Variants in AJAP1 observed in about 807,000 individuals in gnomAD.
AJAP1 encodes the protein adherens junctions associated protein 1, also known as adherens junction-associated protein 1.
In AJAP1, 5 loss-of-function variants were observed where a neutral mutation model predicts 35.0. That is an observed-to-expected ratio of 0.14 (90% CI 0.07 to 0.30). The LOEUF is 0.30. Ranked by LOEUF, AJAP1 falls within the 10% of genes least tolerant of loss-of-function variation. The probability of loss-of-function intolerance (pLI) is 1.00; values close to 1 mark genes in which losing one functional copy is unlikely to be tolerated. For synonymous variants in AJAP1, 284 were observed against 249.3 expected, an observed-to-expected ratio of 1.14 and a Z score of -1.31; for missense variants, 586 against 571.0, an observed-to-expected ratio of 1.03 and a Z score of -0.27.
intron 1 of AJAP1, among the ~76,000 whole-genome samples, chr1:4,659,294 A>G (rs778866473): frequency 2.6e-5 from 4 of 152,176 alleles, no homozygotes; most frequent in Non-Finnish European, 5.9e-5. Context: ...TATATCCTTG[A>G]TCTAGATTTT....
Position 4,768,954 on chromosome 1 carries a change from G to A in AJAP1, c.830-899G>A, listed in dbSNP as rs187496179. On this transcript the variant is annotated intron_variant, in intron 2 of 5. Coordinates refer to ENST00000378191, the MANE Select transcript of AJAP1 (RefSeq NM_018836.4). ...CCCCAGTCCTGTGTCTGTGGTTAGC[G>A]GCAAATGTTGCAGAAGGTTTTGGGA... 1.4e-3 allele frequency among the ~76,000 whole-genome samples: 220 copies of A among 152,284 alleles called. 1 individual carries two copies. The highest frequency in any genetic ancestry group is 3.4e-3 in the Middle Eastern group (1 of 294).
At chr1:4,694,219 G>A (rs948220936) in intron 1 of AJAP1, among the ~76,000 whole-genome samples, 4 of 152,204 alleles carry the variant, frequency 2.6e-5, no homozygotes, top group Non-Finnish European at 2.9e-5. Context: ...CCTTTGCCGG[G>A]GGGGGATGGC....
chr1:4,717,059 C>T (rs1640409382), intron 2 of AJAP1, among the ~76,000 whole-genome samples: 1 of 152,218 alleles, frequency 6.6e-6, no homozygotes, highest in African/African-American at 2.4e-5. Context: ...AGGCTCCCCA[C>T]AGTGCAGCCC....
At chr1:4,681,795 G>T (rs886300325) in intron 1 of AJAP1, among the ~76,000 whole-genome samples, 1 of 152,158 alleles carries the variant, frequency 6.6e-6, no homozygotes, top group African/African-American at 2.4e-5. Context: ...CAGACCTGAT[G>T]GGGCACGGTG....
chr1:4,717,947 T>C (rs1640433327), intron 2 of AJAP1, among the ~76,000 whole-genome samples: 1 of 152,216 alleles, frequency 6.6e-6, no homozygotes, highest in Non-Finnish European at 1.5e-5. Flanking sequence ...TTAAAGATAT[T>C]TGAAGCAAAT....
At chr1:4,674,894 T>C (rs1639330890) in intron 1 of AJAP1, among the ~76,000 whole-genome samples, 1 of 152,222 alleles carries the variant, frequency 6.6e-6, no homozygotes, top group African/African-American at 2.4e-5. Context: ...TCTTCCTTTT[T>C]GACATTCAGC....
At chr1:4,665,023 G>A (rs978422952) in intron 1 of AJAP1, among the ~76,000 whole-genome samples, 1 of 152,114 alleles carries the variant, frequency 6.6e-6, no homozygotes. Context: ...GCTGAGGATT[G>A]TGCTCTCTGG....
At position 4,783,138 on chromosome 1, in the gene AJAP1, A is replaced by C; in HGVS notation, c.*653A>C. 1 of 288,082 alleles carries C rather than the reference A, an allele frequency of 3.5e-6. No individual in the cohort carries two copies. The allele number at this position is 288,082 out of a possible 1,614,324, so 17.8% of individuals were successfully genotyped here. A position where few individuals can be genotyped will look rare whatever the true frequency, so the allele number is the denominator to read the frequency against. ...TGTTATAGGTTACAAAATCTGATTTATTTAACATGCTTAGTATGAGCAGAA... is the reference window on the plus strand; with the variant it reads ...TGTTATAGGTTACAAAATCTGATTTCTTTAACATGCTTAGTATGAGCAGAA... On this transcript the variant is annotated 3_prime_UTR_variant, in exon 6 of 6. Transcript: ENST00000378191.
In AJAP1 at chr1:4,781,756, G is replaced by A. The variant is rs541030154; in HGVS notation, c.*60-789G>A. ...AGGTCCCCAGATGGGACCGTGACGT[G>A]TTCCAGCTCACCTGGCCATGCCCGG... On this transcript the variant is annotated intron_variant, in intron 5 of 5. Transcript: ENST00000378191. Among the ~76,000 whole-genome samples, 5 of 152,350 alleles carry A rather than the reference G, an allele frequency of 3.3e-5. No homozygotes were observed. In the South Asian group the frequency reaches 6.2e-4, roughly 19 times the overall value.
intron 2 of AJAP1, among the ~76,000 whole-genome samples, chr1:4,748,662 C>G (rs1476093944): frequency 6.7e-6 from 1 of 149,088 alleles, no homozygotes; most frequent in Admixed American, 6.7e-5. Context: ...GCAGGAGAAT[C>G]GCTTAAACTG....
At chr1:4,727,394 G>A (rs1250816491) in intron 2 of AJAP1, among the ~76,000 whole-genome samples, 4 of 152,208 alleles carry the variant, frequency 2.6e-5, no homozygotes, top group African/African-American at 9.6e-5. Context: ...ACAGTGCGGA[G>A]AAAGCTAATG....
At chr1:4,750,823 G>A (rs912505994) in intron 2 of AJAP1, among the ~76,000 whole-genome samples, 6 of 149,652 alleles carry the variant, frequency 4.0e-5, no homozygotes, top group African/African-American at 1.5e-4. Context: ...GAGGAGTGAG[G>A]TGGTTATTCT....
In AJAP1 at chr1:4,738,209, G is replaced by C. The variant is rs993745335; in HGVS notation, c.829+25510G>C. Among the ~76,000 whole-genome samples, 12 of 152,368 alleles carry C rather than the reference G, an allele frequency of 7.9e-5. No individual in the cohort carries two copies. The East Asian group carries it at 2.1e-3, about 27-fold the overall frequency. On this transcript the variant is annotated intron_variant, in intron 2 of 5. Coordinates refer to ENST00000378191, the MANE Select transcript of AJAP1 (RefSeq NM_018836.4). ...CACATGGCAGGCCACGGCCATGCAT[G>C]ATGAGGCATGATCAACACAACAGGG... is the stretch of plus-strand genomic sequence containing the variant.
chr1:4,734,013 G>A lies in AJAP1; in HGVS notation c.829+21314G>A, dbSNP rs561164083. Among the ~76,000 whole-genome samples, 3 of 152,304 alleles carry A rather than the reference G, an allele frequency of 2.0e-5. No individual in the cohort carries two copies. The highest frequency in any genetic ancestry group is 4.1e-4 in the South Asian group (2 of 4,830). On this transcript the variant is annotated intron_variant, in intron 2 of 5. Transcript: ENST00000378191. The surrounding 1 kb of genome is among the most constrained non-coding windows in gnomAD (Gnocchi z 4.3). ...GTGCGTCGCGAGCAGGGCCCTTGCCGGAGCTCCAATTAGCGGCTTTTGTAA... is the reference window on the plus strand; with the variant it reads ...GTGCGTCGCGAGCAGGGCCCTTGCCAGAGCTCCAATTAGCGGCTTTTGTAA...
intron 1 of AJAP1, among the ~76,000 whole-genome samples, chr1:4,705,395 CTTTTTTTTTTTTT>C (rs58022692): frequency 0.022 from 532 of 23,820 alleles, 18 homozygotes; most frequent in African/African-American, 0.074. Context: ...TTTTGAAGAG[CTTTTTTTTTTTTT>C]TTTTTTTTTT....
rs143801073 is a variant in AJAP1 at position 4,778,974 on chromosome 1, C to A, written c.*60-3571C>A. Among the ~76,000 whole-genome samples, 621 of 152,298 alleles carry A rather than the reference C, an allele frequency of 4.1e-3. 1 individual carries two copies. The highest frequency in any genetic ancestry group is 0.014 in the African/African-American group (597 of 41,562). On this transcript the variant is annotated intron_variant, in intron 5 of 5. Coordinates refer to ENST00000378191, the MANE Select transcript of AJAP1 (RefSeq NM_018836.4). ...GAACCAGTGGTGAATGGGCAGGAGA[C>A]CCCCGTTCTCAGGAGGCTGTGCTGC...
chr1:4,763,217 G>A (rs1490256483), intron 2 of AJAP1, among the ~76,000 whole-genome samples: 1 of 152,218 alleles, frequency 6.6e-6, no homozygotes. Flanking sequence ...AGTGTCTCCA[G>A]ACATTCCAGA....
At chr1:4,673,206 C>T (rs1019154954) in intron 1 of AJAP1, among the ~76,000 whole-genome samples, 3 of 152,150 alleles carry the variant, frequency 2.0e-5, no homozygotes, top group Non-Finnish European at 4.4e-5. Context: ...GAACTGTGAG[C>T]TCATAGGTGG....
intron 1 of AJAP1, among the ~76,000 whole-genome samples, chr1:4,695,970 A>G (rs1486394974): frequency 6.6e-6 from 1 of 152,076 alleles, no homozygotes; most frequent in Non-Finnish European, 1.5e-5. Context: ...GGGGTTCATC[A>G]ATACCTCCAT....
Sources: gnomAD v4.1 joint callset for allele counts (sites outside exome capture counted in the v4.1 genomes callset) on GRCh38, gnomAD v4.1.1 for gene constraint, Gnocchi (gnomAD v3.1) non-coding constraint, MANE v1.5 for transcripts, NCBI Gene and HGNC (gene_info 2026-07-23, HGNC 2026-07-21) for gene names.